CPNE4: variants seen among roughly 807,000 people sequenced by gnomAD.
CPNE4 encodes the protein copine-4.
Under a neutral mutation model 67.9 loss-of-function variants are expected in CPNE4, and 25 were observed. The observed-to-expected ratio is 0.37, with a 90% CI of 0.27 to 0.51. CPNE4 has a LOEUF of 0.51. Among genes scored for constraint, CPNE4 ranks in the 20% least tolerant of loss-of-function variants. The pLI is 0.93. For missense variants in CPNE4, 464 were observed against 690.8 expected (o/e 0.67, Z 3.68); for synonymous variants, 242 against 244.9 (o/e 0.99, Z 0.11).
chr3:131,662,483 C>A (rs1456401449), intron 7 of CPNE4, among the ~76,000 whole-genome samples: 1 of 152,118 alleles, frequency 6.6e-6, no homozygotes, highest in East Asian at 1.9e-4. Flanking sequence ...CCGTGCTGAA[C>A]TACATAAGGG....
At position 131,859,135 on chromosome 3, in the gene CPNE4, T is replaced by C. The variant is rs952918629; in HGVS notation, c.180+46129A>G. ...CAAATGATGTAAGTGTCAGAAGTCATAAATGAGACCCATGCTAAGAAAGTC... is the reference window on the plus strand; with the variant it reads ...CAAATGATGTAAGTGTCAGAAGTCACAAATGAGACCCATGCTAAGAAAGTC... On this transcript the variant is annotated intron_variant, in intron 2 of 15. Transcript: ENST00000429747. Among the ~76,000 whole-genome samples, 9 of 152,302 alleles carry C rather than the reference T, an allele frequency of 5.9e-5. No individual in the cohort carries two copies. In the South Asian group the frequency reaches 1.9e-3, roughly 32 times the overall value.
chr3:131,871,910 C>T (rs1308452304), intron 2 of CPNE4, among the ~76,000 whole-genome samples: 1 of 151,928 alleles, frequency 6.6e-6, no homozygotes, highest in Non-Finnish European at 1.5e-5. Flanking sequence ...CCCATACCAG[C>T]CCAGGCTAAG....
At chr3:132,007,467 G>A (rs971042798) in intron 1 of CPNE4, among the ~76,000 whole-genome samples, 6 of 152,200 alleles carry the variant, frequency 3.9e-5, no homozygotes, top group East Asian at 1.9e-4. Flanking sequence ...AAAACACGAC[G>A]TAAGTATTAA....
intron 2 of CPNE4, among the ~76,000 whole-genome samples, chr3:131,832,880 CA>C (rs2085427805): frequency 6.6e-6 from 1 of 152,080 alleles, no homozygotes; most frequent in South Asian, 2.1e-4. Flanking sequence ...TTTGGAGGAC[CA>C]GGGGCAGAAT....
At chr3:131,634,182 A>C (rs2079314404) in intron 7 of CPNE4, among the ~76,000 whole-genome samples, 1 of 152,172 alleles carries the variant, frequency 6.6e-6, no homozygotes. Context: ...TTTGTGTGAT[A>C]TAAAAATGTA....
chr3:131,823,667 C>T (rs1001104016), intron 2 of CPNE4, among the ~76,000 whole-genome samples: 1 of 152,140 alleles, frequency 6.6e-6, no homozygotes, highest in Non-Finnish European at 1.5e-5. Flanking sequence ...TGCAACCACC[C>T]TCTCCTTAAA....
chr3:131,872,506 T>C (rs1197622160), intron 2 of CPNE4, among the ~76,000 whole-genome samples: 2 of 152,210 alleles, frequency 1.3e-5, no homozygotes, highest in African/African-American at 4.8e-5. Context: ...ACTCAGAACT[T>C]CAGCTGTTGG....
intron 1 of CPNE4, among the ~76,000 whole-genome samples, chr3:131,932,568 C>A (rs540606493): frequency 5.9e-5 from 9 of 151,902 alleles, no homozygotes; most frequent in African/African-American, 2.2e-4. Context: ...AGAGAGATAC[C>A]CTTAGGGATC....
At chr3:131,920,527 G>A (rs540871659) in intron 1 of CPNE4, among the ~76,000 whole-genome samples, 15 of 152,236 alleles carry the variant, frequency 9.9e-5, no homozygotes, top group African/African-American at 3.6e-4. Context: ...ACTGGAAGTG[G>A]AGCCTCCTAA....
intron 1 of CPNE4, among the ~76,000 whole-genome samples, chr3:131,986,633 C>T (rs1482598352): frequency 1.3e-5 from 2 of 152,068 alleles, no homozygotes; most frequent in Non-Finnish European, 2.9e-5. Flanking sequence ...CCCGGTGGCT[C>T]ACGCCTGTAA....
intron 8 of CPNE4, among the ~76,000 whole-genome samples, chr3:131,583,398 C>A (rs1242407566): frequency 6.6e-6 from 1 of 152,116 alleles, no homozygotes; most frequent in African/African-American, 2.4e-5. Flanking sequence ...CCAAAGCTTC[C>A]TCTAATATTT....
At chr3:131,922,624 A>G (rs2070772167) in intron 1 of CPNE4, among the ~76,000 whole-genome samples, 1 of 152,240 alleles carries the variant, frequency 6.6e-6, no homozygotes, top group South Asian at 2.1e-4. Flanking sequence ...TGGGTGCTAC[A>G]TAACATATGG....
intron 1 of CPNE4, among the ~76,000 whole-genome samples, chr3:131,967,110 C>A (rs1186641494): frequency 6.6e-6 from 1 of 152,174 alleles, no homozygotes; most frequent in Non-Finnish European, 1.5e-5. Flanking sequence ...TAAATAGAAC[C>A]AATGACAAAA....
intron 2 of CPNE4, among the ~76,000 whole-genome samples, chr3:131,880,553 G>T (rs879758555): frequency 1.3e-5 from 2 of 152,184 alleles, no homozygotes; most frequent in Admixed American, 6.5e-5. Context: ...CCTTTTTAAA[G>T]ATGAGGTACA....
intron 1 of CPNE4, among the ~76,000 whole-genome samples, chr3:131,982,210 C>G (rs2072925694): frequency 6.6e-6 from 1 of 152,142 alleles, no homozygotes; most frequent in Non-Finnish European, 1.5e-5. Flanking sequence ...GATAAATTGT[C>G]TTACTACTAA....
At chr3:131,733,676 T>G (rs2082176238) in intron 2 of CPNE4, among the ~76,000 whole-genome samples, 1 of 152,242 alleles carries the variant, frequency 6.6e-6, no homozygotes, top group African/African-American at 2.4e-5. Flanking sequence ...TTGCAGTGAC[T>G]GTCAGATCCT....
intron 1 of CPNE4, among the ~76,000 whole-genome samples, chr3:131,974,290 T>C (rs1226051235): frequency 6.6e-6 from 1 of 152,218 alleles, no homozygotes; most frequent in Non-Finnish European, 1.5e-5. Context: ...CACATATATG[T>C]GTACATATGT....
chr3:131,998,433 G>A (rs764950855), intron 1 of CPNE4, among the ~76,000 whole-genome samples: 6 of 152,072 alleles, frequency 3.9e-5, no homozygotes, highest in Non-Finnish European at 5.9e-5. Flanking sequence ...CTGTTCACAC[G>A]AGCTTAAAAA....
At chr3:131,824,537 T>C (rs2085081665) in intron 2 of CPNE4, among the ~76,000 whole-genome samples, 1 of 151,812 alleles carries the variant, frequency 6.6e-6, no homozygotes, top group Non-Finnish European at 1.5e-5. Flanking sequence ...ACTGCAGAGG[T>C]TAAGACCAGT....
Sources: gnomAD v4.1 joint callset for allele counts (sites outside exome capture counted in the v4.1 genomes callset) on GRCh38, gnomAD v4.1.1 for gene constraint, MANE v1.5 for transcripts, NCBI Gene and HGNC (gene_info 2026-07-23, HGNC 2026-07-21) for gene names.